Variants in RBFOX3 observed in about 807,000 individuals in gnomAD.
The protein encoded by RBFOX3 is RNA binding protein fox-1 homolog 3.
RBFOX3 carries 17 observed loss-of-function variants against 48.7 expected under a neutral mutation model. The observed-to-expected ratio is 0.35, with a 90% confidence interval of 0.24 to 0.52. The LOEUF (loss-of-function observed/expected upper bound fraction) is 0.52. RBFOX3 is among the 20% of genes least tolerant of loss of function. RBFOX3 has a pLI of 0.94. For synonymous variants in RBFOX3, 212 were observed against 209.5 expected, an observed-to-expected ratio of 1.01 and a Z score of -0.10; for missense variants, 382 against 497.5, an observed-to-expected ratio of 0.77 and a Z score of 2.21.
chr17:79,225,949 T>G (rs1600106115), intron 4 of RBFOX3, among the ~76,000 whole-genome samples: 20 of 134,240 alleles, frequency 1.5e-4, no homozygotes, highest in South Asian at 4.9e-4. Flanking sequence ...AGGATGGGGG[T>G]GTGGGAGGGC....
chr17:79,264,870 C>T (rs369665888), intron 3 of RBFOX3, among the ~76,000 whole-genome samples: 45 of 152,256 alleles, frequency 3.0e-4, no homozygotes, highest in African/African-American at 1.0e-3. Flanking sequence ...GGTTCTGCTC[C>T]CCTGTACGGT....
rs571561348 is a variant in RBFOX3, at chr17:79,340,070, G to A, written c.-174-32246C>T. Among the ~76,000 whole-genome samples the A allele has an allele frequency of 5.2e-4, 79 of 152,210 alleles. 1 individual carries two copies. In the South Asian group the frequency reaches 7.5e-3, roughly 14 times the overall value. On this transcript the variant is annotated intron_variant, in intron 2 of 14. Coordinates refer to ENST00000693108, the MANE Select transcript of RBFOX3 (RefSeq NM_001350451.2). ...TCCCAGCACTTTGGGAGGCCAAGGC[G>A]GGCAGATCACCTGAGGCCAGGAGTT...
intron 4 of RBFOX3, among the ~76,000 whole-genome samples, chr17:79,230,212 C>G (rs1380575934): frequency 1.3e-5 from 2 of 152,184 alleles, no homozygotes; most frequent in African/African-American, 4.8e-5. Context: ...ACCACCCAGT[C>G]TTTGAGAGGC....
At chr17:79,166,866 A>G (rs1234309722) in intron 4 of RBFOX3, among the ~76,000 whole-genome samples, 1 of 152,206 alleles carries the variant, frequency 6.6e-6, no homozygotes, top group African/African-American at 2.4e-5. Context: ...TGAATTCCTT[A>G]AAAGTCACCG....
At chr17:79,566,790 C>T (rs886910109) in intron 1 of RBFOX3, among the ~76,000 whole-genome samples, 1 of 152,190 alleles carries the variant, frequency 6.6e-6, no homozygotes, top group African/African-American at 2.4e-5. Flanking sequence ...CACCTTCAGC[C>T]GAGCATTGCC....
intron 1 of RBFOX3, among the ~76,000 whole-genome samples, chr17:79,492,436 G>A (rs2080825600): frequency 6.6e-6 from 1 of 152,232 alleles, no homozygotes; most frequent in East Asian, 1.9e-4. Flanking sequence ...GAGGAAGTCA[G>A]CCGCCCTGTC....
chr17:79,343,295 G>A (rs2082380381), intron 2 of RBFOX3, among the ~76,000 whole-genome samples: 1 of 152,194 alleles, frequency 6.6e-6, no homozygotes, highest in Non-Finnish European at 1.5e-5. Flanking sequence ...GGAGGCCTAG[G>A]AGGGTGGATC....
chr17:79,305,917 G>A (rs1383712764), intron 3 of RBFOX3, among the ~76,000 whole-genome samples: 4 of 152,164 alleles, frequency 2.6e-5, no homozygotes, highest in South Asian at 2.1e-4. Context: ...AGCCTCTAGC[G>A]TAGAGCCCTG....
At chr17:79,400,850 T>C (rs1309112640) in intron 2 of RBFOX3, among the ~76,000 whole-genome samples, 1 of 151,968 alleles carries the variant, frequency 6.6e-6, no homozygotes, top group East Asian at 1.9e-4. Context: ...AAAACCGAAG[T>C]CCCCACACTC....
At chr17:79,093,476 C>A (rs2074393553) in intron 14 of RBFOX3, among the ~76,000 whole-genome samples, 1 of 151,616 alleles carries the variant, frequency 6.6e-6, no homozygotes, top group Non-Finnish European at 1.5e-5. Context: ...GGTGGGGCCG[C>A]ACCAGACCCG....
At chr17:79,458,864 T>C (rs2074983471) in intron 2 of RBFOX3, among the ~76,000 whole-genome samples, 1 of 152,132 alleles carries the variant, frequency 6.6e-6, no homozygotes, top group South Asian at 2.1e-4. Flanking sequence ...GCCTTCACAC[T>C]CCCCTCCATC....
chr17:79,580,504 T>TGAATTAATTCAC (rs2093022907), intron 1 of RBFOX3, among the ~76,000 whole-genome samples: 1 of 152,106 alleles, frequency 6.6e-6, no homozygotes, highest in Non-Finnish European at 1.5e-5. Flanking sequence ...TAGACGACTG[T>TGAATTAATTCAC]TCAGCGGTGC....
chr17:79,640,215 T>A, the RBFOX3 span, among the ~76,000 whole-genome samples: 1 of 152,130 alleles, frequency 6.6e-6, no homozygotes, highest in Non-Finnish European at 1.5e-5. Flanking sequence ...CCATTCACAA[T>A]AGCAACAAAA....
chr17:79,385,493 G>A (rs557421133), intron 2 of RBFOX3, among the ~76,000 whole-genome samples: 19 of 152,220 alleles, frequency 1.2e-4, no homozygotes, highest in African/African-American at 4.3e-4. Context: ...AGGCAGGAGG[G>A]GCTGTGCCTG....
chr17:79,614,321 C>CA (rs2093986010), upstream of RBFOX3, among the ~76,000 whole-genome samples: 1 of 152,234 alleles, frequency 6.6e-6, no homozygotes, highest in South Asian at 2.1e-4. Context: ...CCTCACGGCA[C>CA]CTGTCAGCAT....
chr17:79,243,655 G>A lies in RBFOX3; in HGVS notation c.-73-7850C>T, dbSNP rs1392840966. ...GGAACTTAGCGCACACCTGTGGACT[G>A]AACTGAACTCACTGGCCCACCCCTG... is the stretch of plus-strand genomic sequence containing the variant. On this transcript the variant is annotated intron_variant, in intron 3 of 14. Transcript: ENST00000693108. The surrounding 1 kb of genome is among the most constrained non-coding windows in gnomAD (Gnocchi z 7.9). Among the ~76,000 whole-genome samples the A allele has an allele frequency of 3.3e-5, 5 of 152,152 alleles. 1 individual carries two copies. The highest frequency in any genetic ancestry group is 2.0e-4 in the Admixed American group (3 of 15,286).
chr17:79,385,906 C>G (rs989801241), intron 2 of RBFOX3, among the ~76,000 whole-genome samples: 4 of 148,046 alleles, frequency 2.7e-5, no homozygotes, highest in Admixed American at 1.3e-4. Flanking sequence ...CATCACCTCC[C>G]ATTAGAGAGA....
At chr17:79,316,489 G>A (rs955832644) in intron 2 of RBFOX3, among the ~76,000 whole-genome samples, 1 of 152,202 alleles carries the variant, frequency 6.6e-6, no homozygotes, top group Non-Finnish European at 1.5e-5. Context: ...TACTCAGGAT[G>A]TGGGCAGCTC....
chr17:79,495,381 C>T (rs112241456), intron 1 of RBFOX3, among the ~76,000 whole-genome samples: 1 of 26,142 alleles, frequency 3.8e-5, no homozygotes, highest in South Asian at 2.3e-3. Context: ...GTAGAAGCCA[C>T]GATGGGGTGG....
Sources: allele counts gnomAD v4.1 joint callset (sites outside exome capture counted in the v4.1 genomes callset), GRCh38; gene constraint gnomAD v4.1.1; non-coding constraint Gnocchi (gnomAD v3.1); transcripts MANE v1.5; gene names NCBI Gene and HGNC (gene_info 2026-07-23, HGNC 2026-07-21).